Variants in THADA observed in about 807,000 individuals in gnomAD.
THADA encodes the protein tRNA (32-2'-O)-methyltransferase regulator THADA.
THADA carries 213 observed loss-of-function variants against 219.8 expected under a neutral mutation model. The observed-to-expected ratio is 0.97, with a 90% CI of 0.87 to 1.09. THADA has a LOEUF of 1.09. Among genes scored for constraint, THADA ranks in the 50% least tolerant of loss-of-function variants. The probability of loss-of-function intolerance (pLI) is 0.00; values close to 1 mark genes in which losing one functional copy is unlikely to be tolerated. For missense variants in THADA, 2,956 were observed against 2,311.3 expected, an observed-to-expected ratio of 1.28 and a Z score of -5.72; for synonymous variants, 1,018 against 828.9, an observed-to-expected ratio of 1.23 and a Z score of -3.92.
At chr2:43,254,333 C>A (rs972680291) in intron 36 of THADA, among the ~76,000 whole-genome samples, 4 of 151,902 alleles carry the variant, frequency 2.6e-5, no homozygotes, top group African/African-American at 9.7e-5. Context: ...TGACAAGAAA[C>A]CAGGTCCTTG....
intron 17 of THADA, among the ~76,000 whole-genome samples, chr2:43,555,396 G>GTATATA (rs371073432): frequency 1.3e-5 from 2 of 148,554 alleles, no homozygotes; most frequent in African/African-American, 4.9e-5. Context: ...TATATTACAT[G>GTATATA]TATATATATA....
intron 28 of THADA, among the ~76,000 whole-genome samples, chr2:43,408,057 A>T (rs982856213): frequency 5.3e-5 from 8 of 152,214 alleles, no homozygotes; most frequent in Admixed American, 6.5e-5. Context: ...TACTGCTCTA[A>T]CTAGTGTTAA....
intron 36 of THADA, among the ~76,000 whole-genome samples, chr2:43,234,803 C>A (rs1469108514): frequency 6.6e-6 from 1 of 151,694 alleles, no homozygotes; most frequent in Non-Finnish European, 1.5e-5. Flanking sequence ...TAGGCATGTG[C>A]CACCACACCC....
At chr2:43,451,072 T>C (rs1159371060) in intron 26 of THADA, among the ~76,000 whole-genome samples, 1 of 152,244 alleles carries the variant, frequency 6.6e-6, no homozygotes, top group East Asian at 1.9e-4. Flanking sequence ...TTGAACCATA[T>C]ACTTAAAAAT....
intron 28 of THADA, among the ~76,000 whole-genome samples, chr2:43,423,353 T>A (rs1425621216): frequency 2.0e-5 from 3 of 152,196 alleles, no homozygotes; most frequent in Non-Finnish European, 4.4e-5. Flanking sequence ...ACTTGGACTT[T>A]CCAGCATTTG....
chr2:43,551,414 T>C (rs1318413345), intron 19 of THADA, among the ~76,000 whole-genome samples: 1 of 152,110 alleles, frequency 6.6e-6, no homozygotes, highest in East Asian at 1.9e-4. Context: ...AAATCCAAAA[T>C]ACAGATGCTC....
At chr2:43,369,366 T>G (rs573701440) in intron 29 of THADA, among the ~76,000 whole-genome samples, 70 of 152,346 alleles carry the variant, frequency 4.6e-4, no homozygotes, top group African/African-American at 1.6e-3. Flanking sequence ...CATTAAATAT[T>G]TGAGCTTAGA....
At chr2:43,580,248 C>T (rs1469137630) in intron 8 of THADA, among the ~76,000 whole-genome samples, 1 of 151,708 alleles carries the variant, frequency 6.6e-6, no homozygotes, top group African/African-American at 2.4e-5. Flanking sequence ...ATCATGTTGG[C>T]CAGAATGGTC....
At chr2:43,571,168 A>AT (rs1210525947) in intron 13 of THADA, among the ~76,000 whole-genome samples, 1 of 152,032 alleles carries the variant, frequency 6.6e-6, no homozygotes, top group Non-Finnish European at 1.5e-5. Flanking sequence ...GGGAGGAAGA[A>AT]TCGCTTGAGC....
chr2:43,386,727 C>A (rs1242599560), intron 29 of THADA, among the ~76,000 whole-genome samples: 1 of 152,022 alleles, frequency 6.6e-6, no homozygotes, highest in African/African-American at 2.4e-5. Context: ...AACCCCATCT[C>A]TACTAAAACA....
rs564079990 is a variant in THADA, at chr2:43,556,661, G to A, written c.2464-106C>T. ...GCCTGGAGCTGAGTACAGTGGGCTC[G>A]AGCCTAGAGTCCCAGCTACTCAAGA... On this transcript the variant is annotated intron_variant, in intron 16 of 37. Transcript: ENST00000405975. 6.6e-5 allele frequency: 68 copies of A among 1,034,788 alleles called. No individual in the cohort carries two copies. The Middle Eastern group carries it at 1.3e-3, about 19-fold the overall frequency. The allele number at this position is 1,034,788 out of a possible 1,614,324, so 64.1% of individuals were successfully genotyped here. A position where few individuals can be genotyped will look rare whatever the true frequency, so the allele number is the denominator to read the frequency against.
chr2:43,562,202 TTTTTCTTTCC>T (rs1698148899), intron 15 of THADA: 1 of 152,194 alleles, frequency 6.6e-6, no homozygotes, highest in Non-Finnish European at 1.5e-5. Flanking sequence ...GGTCTTTGGT[TTTTTCTTTCC>T]TTTTCTTTCT....
In THADA at chr2:43,457,035, C is replaced by CGT. The variant is rs143933991; in HGVS notation, c.3837-26735_3837-26734dup. ...GGAATCAAACACTAAATTTTATATA[C>CGT]GTGTGTGTGTGTGCACACACGTGCC... On this transcript the variant is annotated intron_variant, in intron 26 of 37. Coordinates refer to ENST00000405975, the MANE Select transcript of THADA (RefSeq NM_022065.5). 1.9e-3 allele frequency among the ~76,000 whole-genome samples: 290 copies of CGT among 151,694 alleles called. 4 individuals are homozygous for CGT. The highest frequency in any genetic ancestry group is 2.3e-3 in the Non-Finnish European group (153 of 67,874).
intron 35 of THADA, among the ~76,000 whole-genome samples, chr2:43,280,139 C>G (rs955829743): frequency 6.6e-6 from 1 of 152,170 alleles, no homozygotes; most frequent in Non-Finnish European, 1.5e-5. Flanking sequence ...AGGCAACCAG[C>G]GCTAGGCAAG....
At chr2:43,344,872 G>A (rs559375343) in intron 29 of THADA, among the ~76,000 whole-genome samples, 15 of 152,118 alleles carry the variant, frequency 9.9e-5, no homozygotes, top group Non-Finnish European at 1.6e-4. Flanking sequence ...ATGTATGCAC[G>A]TATGTATGTA....
chr2:43,498,886 C>A lies in THADA; in HGVS notation c.3691G>T (p.Val1231Phe), dbSNP rs1378431875. 3 of 1,611,158 alleles carry A rather than the reference C, an allele frequency of 1.9e-6. No individual in the cohort carries two copies. Among genetic ancestry groups the A allele is most frequent in the Non-Finnish European group, 1.7e-6 (2 of 1,178,776 alleles). ...TRLGENIIPY[V>F]ADGAKAAILG... The stretch of plus-strand genomic sequence containing the variant: ...ATTGCAGCCTTAGCTCCATCAGCAA[C>A]ATAAGGAATAATATTTTCTCCCAGG... Residue 1231 changes from valine to phenylalanine, a missense_variant, in exon 25 of 38, where the codon GTT (valine) becomes TTT (phenylalanine). Val to Phe is a conservative substitution (Grantham distance 50, BLOSUM62 -1). Transcript: ENST00000405975.
At chr2:43,558,646 G>A (rs1046966923) in intron 16 of THADA, among the ~76,000 whole-genome samples, 1 of 152,124 alleles carries the variant, frequency 6.6e-6, no homozygotes, top group Non-Finnish European at 1.5e-5. Context: ...TCAGACTCTT[G>A]CAAGTTCTTC....
chr2:43,342,584 G>C (rs1048356373), intron 30 of THADA, among the ~76,000 whole-genome samples: 2 of 152,308 alleles, frequency 1.3e-5, no homozygotes, highest in Non-Finnish European at 2.9e-5. Flanking sequence ...CCCTACCTGT[G>C]TTGGCCACTT....
At chr2:43,574,098 G>T (rs868010634) in intron 11 of THADA, among the ~76,000 whole-genome samples, 5 of 152,238 alleles carry the variant, frequency 3.3e-5, no homozygotes, top group Middle Eastern at 6.8e-3. Context: ...TGTAATACAG[G>T]AAAGTTTATC....
Sources: gnomAD v4.1 joint callset for allele counts (sites outside exome capture counted in the v4.1 genomes callset) on GRCh38, gnomAD v4.1.1 for gene constraint, MANE v1.5 for transcripts, NCBI Gene and HGNC (gene_info 2026-07-23, HGNC 2026-07-21) for gene names.